The following PPFIBP1 variants were observed in gnomAD, a reference collection of about 807,000 sequenced individuals.
PPFIBP1 encodes the protein PPFIB scaffold protein 1, also known as liprin-beta-1.
Under a neutral mutation model 137.8 loss-of-function variants are expected in PPFIBP1, and 112 were observed. That is an observed-to-expected ratio of 0.81 (90% CI 0.70 to 0.95). PPFIBP1 has a LOEUF of 0.95. Among genes scored for constraint, PPFIBP1 ranks in the 40% least tolerant of loss-of-function variants. PPFIBP1 has a pLI of 0.00. For synonymous variants in PPFIBP1, 378 were observed against 417.3 expected (o/e 0.91, Z 1.15); for missense variants, 1,083 against 1,196.6 (o/e 0.91, Z 1.40).
intron 1 of PPFIBP1, among the ~76,000 whole-genome samples, chr12:27,542,506 CCTA>C (rs2136033535): frequency 6.6e-6 from 1 of 152,330 alleles, no homozygotes; most frequent in South Asian, 2.1e-4. Context: ...ATGCAAGATG[CCTA>C]GTGCAGCACC....
intron 2 of PPFIBP1, among the ~76,000 whole-genome samples, chr12:27,611,461 T>C (rs1241295906): frequency 6.6e-6 from 1 of 152,210 alleles, no homozygotes; most frequent in Non-Finnish European, 1.5e-5. Flanking sequence ...CCCATCCGAA[T>C]AATCTTGTTT....
At chr12:27,617,731 T>C (rs1227939829) in intron 2 of PPFIBP1, among the ~76,000 whole-genome samples, 1 of 152,244 alleles carries the variant, frequency 6.6e-6, no homozygotes, top group Middle Eastern at 3.2e-3. Flanking sequence ...ATTTTAAATC[T>C]GTGGTTGGTT....
chr12:27,667,436 C>G, intron 13 of PPFIBP1, 116 bp downstream of exon 13: 2 of 894,280 alleles, frequency 2.2e-6, no homozygotes, highest in East Asian at 5.6e-5. Flanking sequence ...ATCACCAACT[C>G]AAGTGAGGTT....
At chr12:27,554,846 C>G (rs939487776) in intron 1 of PPFIBP1, among the ~76,000 whole-genome samples, 1 of 151,930 alleles carries the variant, frequency 6.6e-6, no homozygotes, top group Non-Finnish European at 1.5e-5. Context: ...GTGTGGAGAT[C>G]GTGCTGACAC....
intron 1 of PPFIBP1, among the ~76,000 whole-genome samples, chr12:27,553,308 G>A (rs900154479): frequency 6.6e-6 from 1 of 152,176 alleles, no homozygotes; most frequent in Non-Finnish European, 1.5e-5. Flanking sequence ...CAGCTGGGCC[G>A]GGGATGGTGC....
chr12:27,539,267 A>G (rs994114569), intron 1 of PPFIBP1, among the ~76,000 whole-genome samples: 5 of 152,164 alleles, frequency 3.3e-5, no homozygotes, highest in African/African-American at 4.8e-5. Flanking sequence ...TATGCTAAGG[A>G]TTTCATGCTG....
At chr12:27,692,033 T>G (rs1188704157) in intron 28 of PPFIBP1, 105 bp downstream of exon 28, 26 of 982,824 alleles carry the variant, frequency 2.6e-5, no homozygotes, top group Non-Finnish European at 3.7e-5. Context: ...TTCAAATAAC[T>G]AAAAATACAG....
At chr12:27,546,811 C>T (rs763389558) in intron 1 of PPFIBP1, among the ~76,000 whole-genome samples, 3 of 151,980 alleles carry the variant, frequency 2.0e-5, no homozygotes, top group Non-Finnish European at 4.4e-5. Flanking sequence ...CCCAGGAGTT[C>T]GAGACCAGCC....
At chr12:27,596,087 CACACACACACACACACACACAT>C (rs1185384108) in intron 2 of PPFIBP1, among the ~76,000 whole-genome samples, 1 of 146,966 alleles carries the variant, frequency 6.8e-6, no homozygotes, top group East Asian at 2.0e-4. Context: ...CACACACACA[CACACACACACACACACACACAT>C]ATGCTTACAA....
intron 24 of PPFIBP1, among the ~76,000 whole-genome samples, chr12:27,683,219 A>G (rs1038684082): frequency 3.9e-5 from 6 of 152,190 alleles, no homozygotes; most frequent in African/African-American, 1.4e-4. Context: ...TCACGCCACC[A>G]TACCCAGCTA....
At chr12:27,610,469 A>G (rs1229370434) in intron 2 of PPFIBP1, among the ~76,000 whole-genome samples, 1 of 152,218 alleles carries the variant, frequency 6.6e-6, no homozygotes, top group Non-Finnish European at 1.5e-5. Flanking sequence ...TAAAGCGCCC[A>G]GACTATGGTG....
At chr12:27,551,831 A>G (rs7968687) in intron 1 of PPFIBP1, among the ~76,000 whole-genome samples, 2,347 of 152,350 alleles carry the variant, frequency 0.015, 53 homozygotes, top group African/African-American at 0.052. Context: ...ATAAAACAGT[A>G]TGTTTACAAA....
At chr12:27,618,478 C>G (rs1476778959) in intron 2 of PPFIBP1, among the ~76,000 whole-genome samples, 1 of 152,228 alleles carries the variant, frequency 6.6e-6, no homozygotes, top group Non-Finnish European at 1.5e-5. Context: ...TTGGTCTCCA[C>G]AACCCCTCAT....
At chr12:27,596,018 T>C (rs1343709707) in intron 2 of PPFIBP1, among the ~76,000 whole-genome samples, 1 of 150,300 alleles carries the variant, frequency 6.7e-6, no homozygotes, top group African/African-American at 2.5e-5. Flanking sequence ...GTGGCTAAGA[T>C]GGTTCCCGTC....
rs2059240679 is a variant in PPFIBP1 at position 27,656,979 on chromosome 12, A to AAT, written c.811+250_811+251dup. The AAT allele has an allele frequency of 1.8e-5, 6 of 329,180 alleles. No homozygotes were observed. In the South Asian group the frequency reaches 2.2e-4, roughly 12 times the overall value. The allele number at this position is 329,180 out of a possible 1,614,324, so 20.4% of individuals were successfully genotyped here. A position where few individuals can be genotyped will look rare whatever the true frequency, so the allele number is the denominator to read the frequency against. On this transcript the variant is annotated intron_variant, in intron 9 of 29. Transcript: ENST00000228425. ...TGGTGTTTAAGATTGCTAGACTGTAAATTCTCATCACAAGGATGGACTTGT... is the reference window on the plus strand; with the variant it reads ...TGGTGTTTAAGATTGCTAGACTGTAAATATTCTCATCACAAGGATGGACTTGT...
intron 1 of PPFIBP1, among the ~76,000 whole-genome samples, chr12:27,568,762 C>A (rs759231054): frequency 2.0e-5 from 3 of 152,170 alleles, no homozygotes; most frequent in Admixed American, 6.5e-5. Context: ...TGTTGCTGAC[C>A]ACTTTTAAAC....
chr12:27,595,258 A>T (rs2053064738), intron 2 of PPFIBP1, among the ~76,000 whole-genome samples: 1 of 152,236 alleles, frequency 6.6e-6, no homozygotes, highest in African/African-American at 2.4e-5. Flanking sequence ...ACAAACACAC[A>T]CACGCGCATA....
intron 24 of PPFIBP1, among the ~76,000 whole-genome samples, chr12:27,684,289 G>C (rs1317491020): frequency 1.3e-5 from 2 of 150,956 alleles, no homozygotes; most frequent in African/African-American, 4.9e-5. Context: ...TTGTGTTTTT[G>C]GTGGAGATGG....
intron 2 of PPFIBP1, among the ~76,000 whole-genome samples, chr12:27,617,342 G>A (rs1592887828): frequency 6.6e-6 from 1 of 152,322 alleles, no homozygotes; most frequent in East Asian, 1.9e-4. Context: ...CTCTTGGCAG[G>A]TGGGATCCCT....
Sources: allele counts gnomAD v4.1 joint callset (sites outside exome capture counted in the v4.1 genomes callset), GRCh38; gene constraint gnomAD v4.1.1; transcripts MANE v1.5; gene names NCBI Gene and HGNC (gene_info 2026-07-23, HGNC 2026-07-21).